The following KCND2 variants were observed in gnomAD, a reference collection of about 807,000 sequenced individuals.
The protein encoded by KCND2 is potassium voltage-gated channel subfamily D member 2.
A neutral mutation model predicts 54.4 loss-of-function variants in KCND2; 16 were observed. The ratio of observed to expected loss-of-function variants is 0.29; its 90% CI spans 0.20 to 0.45. KCND2 has a LOEUF of 0.45. KCND2 is among the 20% of genes least tolerant of loss of function. The probability of loss-of-function intolerance (pLI) is 1.00; values close to 1 mark genes in which losing one functional copy is unlikely to be tolerated. For missense variants in KCND2, 486 were observed against 824.2 expected (o/e 0.59, Z 5.02); for synonymous variants, 317 against 310.7 (o/e 1.02, Z -0.21).
intron 1 of KCND2, among the ~76,000 whole-genome samples, chr7:120,725,168 C>T (rs1792717917): frequency 6.6e-6 from 1 of 152,134 alleles, no homozygotes; most frequent in South Asian, 2.1e-4. Flanking sequence ...TGAGGGTTTA[C>T]TGTATAAATG....
intron 1 of KCND2, among the ~76,000 whole-genome samples, chr7:120,346,721 C>T (rs1021841622): frequency 6.6e-6 from 1 of 151,978 alleles, no homozygotes; most frequent in Non-Finnish European, 1.5e-5. Context: ...CTCTCTGTCT[C>T]TTTCTCTAAA....
chr7:120,537,267 T>C (rs1791923863), intron 1 of KCND2, among the ~76,000 whole-genome samples: 1 of 152,168 alleles, frequency 6.6e-6, no homozygotes, highest in African/African-American at 2.4e-5. Flanking sequence ...AAAGAAACTT[T>C]CTTTTTTTTC....
At chr7:120,554,904 T>C (rs1323200735) in intron 1 of KCND2, among the ~76,000 whole-genome samples, 1 of 152,152 alleles carries the variant, frequency 6.6e-6, no homozygotes, top group African/African-American at 2.4e-5. Flanking sequence ...TTTCTCAATT[T>C]CTCCTAATCC....
At chr7:120,426,081 A>G (rs1405401170) in intron 1 of KCND2, among the ~76,000 whole-genome samples, 1 of 152,162 alleles carries the variant, frequency 6.6e-6, no homozygotes, top group Non-Finnish European at 1.5e-5. Context: ...TTAAAAATGA[A>G]TAAGAAAATA....
intron 1 of KCND2, among the ~76,000 whole-genome samples, chr7:120,523,226 T>G (rs1018760648): frequency 6.6e-6 from 1 of 152,150 alleles, no homozygotes; most frequent in African/African-American, 2.4e-5. Context: ...CTAAATGCTT[T>G]AACATTAACA....
chr7:120,468,517 A>G (rs1802410896), intron 1 of KCND2, among the ~76,000 whole-genome samples: 1 of 152,108 alleles, frequency 6.6e-6, no homozygotes, highest in East Asian at 1.9e-4. Flanking sequence ...AATTTGCACA[A>G]AACTCCCAAA....
intron 1 of KCND2, among the ~76,000 whole-genome samples, chr7:120,697,915 C>T (rs766084732): frequency 1.3e-5 from 2 of 151,588 alleles, no homozygotes; most frequent in Admixed American, 6.6e-5. Flanking sequence ...GATTTTTAAA[C>T]ATCACATCAC....
chr7:120,408,028 A>G (rs368151248), intron 1 of KCND2, among the ~76,000 whole-genome samples: 1 of 151,838 alleles, frequency 6.6e-6, no homozygotes, highest in Non-Finnish European at 1.5e-5. Context: ...TGCTCTTGCA[A>G]CACATGTTTA....
intron 1 of KCND2, among the ~76,000 whole-genome samples, chr7:120,315,441 G>A (rs550156054): frequency 4.8e-4 from 73 of 152,204 alleles, no homozygotes; most frequent in African/African-American, 1.7e-3. Context: ...CAGTGGAACC[G>A]GAAACAATGT....
intron 1 of KCND2, among the ~76,000 whole-genome samples, chr7:120,677,178 C>T (rs68111975): frequency 0.16 from 24,529 of 151,998 alleles, 2,284 homozygotes; most frequent in African/African-American, 0.25. Context: ...GCAAGAATCA[C>T]AAGTAAAGGA....
At chr7:120,463,715 A>T (rs1245020084) in intron 1 of KCND2, among the ~76,000 whole-genome samples, 2 of 152,104 alleles carry the variant, frequency 1.3e-5, no homozygotes, top group African/African-American at 4.8e-5. Context: ...TTTACCATTT[A>T]TATCTTGGTT....
At chr7:120,702,278 A>T (rs889521171) in intron 1 of KCND2, among the ~76,000 whole-genome samples, 1 of 152,202 alleles carries the variant, frequency 6.6e-6, no homozygotes, top group Non-Finnish European at 1.5e-5. Flanking sequence ...ATTACTAAAA[A>T]GTCAAAAACA....
At chr7:120,305,367 G>C (rs917385443) in intron 1 of KCND2, among the ~76,000 whole-genome samples, 2 of 152,072 alleles carry the variant, frequency 1.3e-5, no homozygotes, top group Non-Finnish European at 2.9e-5. Context: ...TCCATGAAGA[G>C]ATGGCTAGAT....
chr7:120,615,819 G>A (rs1793016664), intron 1 of KCND2, among the ~76,000 whole-genome samples: 1 of 152,192 alleles, frequency 6.6e-6, no homozygotes, highest in Non-Finnish European at 1.5e-5. Flanking sequence ...TCTAGGACTT[G>A]GGTTTTCTAA....
At chr7:120,573,621 G>C (rs1241319735) in intron 1 of KCND2, among the ~76,000 whole-genome samples, 1 of 152,150 alleles carries the variant, frequency 6.6e-6, no homozygotes, top group Non-Finnish European at 1.5e-5. Flanking sequence ...TTGGGAAATA[G>C]ATCTTCAGTT....
chr7:120,673,412 T>C lies in KCND2; in HGVS notation c.1116-59491T>C, dbSNP rs182539772. Among the ~76,000 whole-genome samples, 229 of 152,244 alleles carry C rather than the reference T, an allele frequency of 1.5e-3. 3 individuals carry two copies. Among genetic ancestry groups the C allele is most frequent in the Admixed American group, 3.5e-3 (53 of 15,304 alleles). On this transcript the variant is annotated intron_variant, in intron 1 of 5. Transcript: ENST00000331113. The stretch of plus-strand genomic sequence containing the variant: ...ATCTGATTCTCTTCTTTTATTCTTA[T>C]GCTGATAGTTGGAATACAGCTTCCC...
At chr7:120,482,459 G>C (rs984033761) in intron 1 of KCND2, among the ~76,000 whole-genome samples, 1 of 152,112 alleles carries the variant, frequency 6.6e-6, no homozygotes, top group Non-Finnish European at 1.5e-5. Context: ...ATAAATATTG[G>C]GGGCCAGAGA....
intron 1 of KCND2, among the ~76,000 whole-genome samples, chr7:120,445,760 T>G: frequency 6.6e-6 from 1 of 152,244 alleles, no homozygotes; most frequent in South Asian, 2.1e-4. Context: ...GATTATTATT[T>G]TTATTATATA....
intron 1 of KCND2, among the ~76,000 whole-genome samples, chr7:120,572,276 A>T (rs1792375592): frequency 6.6e-6 from 1 of 152,094 alleles, no homozygotes; most frequent in South Asian, 2.1e-4. Flanking sequence ...CATTAATGTG[A>T]AAGAAGTGAA....
Sources: gnomAD v4.1 joint callset for allele counts (sites outside exome capture counted in the v4.1 genomes callset) on GRCh38, gnomAD v4.1.1 for gene constraint, MANE v1.5 for transcripts, NCBI Gene and HGNC (gene_info 2026-07-23, HGNC 2026-07-21) for gene names.